ETS1: variants seen among roughly 807,000 people sequenced by gnomAD.
ETS1 encodes protein C-ets-1.
Under a neutral mutation model 58.6 loss-of-function variants are expected in ETS1, and 15 were observed. The observed-to-expected ratio is 0.26, with a 90% CI of 0.17 to 0.39. The LOEUF (loss-of-function observed/expected upper bound fraction) is 0.39, where lower values mean the gene tolerates loss of function less well. Among genes scored for constraint, ETS1 ranks in the 10% least tolerant of loss-of-function variants. The pLI, the probability that ETS1 is intolerant of heterozygous loss-of-function variation, is 1.00. For synonymous variants in ETS1, 214 were observed against 218.2 expected (o/e 0.98, Z 0.17); for missense variants, 417 against 610.5 (o/e 0.68, Z 3.34).
At chr11:128,482,856 T>G (rs906765994) in intron 7 of ETS1, among the ~76,000 whole-genome samples, 1 of 152,130 alleles carries the variant, frequency 6.6e-6, no homozygotes, top group East Asian at 1.9e-4. Flanking sequence ...CTCAGAGCAC[T>G]CAAAACAGAA....
intron 8 of ETS1, among the ~76,000 whole-genome samples, chr11:128,470,938 T>C (rs1862171684): frequency 6.6e-6 from 1 of 152,358 alleles, no homozygotes; most frequent in Middle Eastern, 3.4e-3. Flanking sequence ...AGACAGCAGA[T>C]GCAAACTGCT....
At chr11:128,522,238 G>GC in intron 3 of ETS1, 1 of 1,200,064 alleles carries the variant, frequency 8.3e-7, no homozygotes. Context: ...CCCGCGCCGC[G>GC]CCCGCTCCTC....
chr11:128,554,431 T>C (rs939088994), intron 3 of ETS1, among the ~76,000 whole-genome samples: 10 of 152,134 alleles, frequency 6.6e-5, no homozygotes, highest in Non-Finnish European at 1.5e-4. Flanking sequence ...GAGAAGAAGA[T>C]GATATTACCC....
chr11:128,523,340 T>G (rs1863738284), intron 3 of ETS1, among the ~76,000 whole-genome samples: 1 of 152,224 alleles, frequency 6.6e-6, no homozygotes, highest in South Asian at 2.1e-4. Flanking sequence ...ACTAATACAT[T>G]GGTTGTAATA....
At chr11:128,495,924 AAGT>A (rs1343627710) in intron 3 of ETS1, among the ~76,000 whole-genome samples, 2 of 152,126 alleles carry the variant, frequency 1.3e-5, no homozygotes, top group African/African-American at 4.8e-5. Context: ...ACATACATAA[AAGT>A]AGAGAGAAAC....
chr11:128,528,757 TTTAAGA>T (rs1181296285), intron 3 of ETS1, among the ~76,000 whole-genome samples: 2 of 152,202 alleles, frequency 1.3e-5, no homozygotes, highest in African/African-American at 4.8e-5. Context: ...TTGCCCAAAG[TTTAAGA>T]TTAAAGATCC....
chr11:128,500,852 A>G (rs1488486966), intron 3 of ETS1, among the ~76,000 whole-genome samples: 1 of 152,206 alleles, frequency 6.6e-6, no homozygotes, highest in African/African-American at 2.4e-5. Flanking sequence ...GGGGCAGGGC[A>G]GGACCTGAAG....
At chr11:128,538,873 A>C (rs963642380) in intron 3 of ETS1, among the ~76,000 whole-genome samples, 7 of 152,104 alleles carry the variant, frequency 4.6e-5, no homozygotes, top group Admixed American at 3.3e-4. Flanking sequence ...AATACAAATA[A>C]TTATTTTGCC....
intron 3 of ETS1, among the ~76,000 whole-genome samples, chr11:128,491,630 G>A (rs7126183): frequency 0.035 from 5,391 of 152,312 alleles, 314 homozygotes; most frequent in African/African-American, 0.12. Context: ...CACCTTATCC[G>A]TTCTGTAAAG....
intron 2 of ETS1, among the ~76,000 whole-genome samples, chr11:128,558,144 G>T (rs1274805713): frequency 6.6e-6 from 1 of 152,176 alleles, no homozygotes. Context: ...TCTTCCAACT[G>T]CATTAAAGGT....
chr11:128,502,407 G>C (rs1253788900), intron 3 of ETS1, among the ~76,000 whole-genome samples: 1 of 152,154 alleles, frequency 6.6e-6, no homozygotes, highest in African/African-American at 2.4e-5. Context: ...CAGGAAGGTG[G>C]GAACGCCAAG....
In ETS1 at chr11:128,489,374, C is replaced by T. The variant is rs79963544; in HGVS notation, c.451G>A (p.Ala151Thr). 3.9e-3 allele frequency: 6,343 copies of T among 1,614,178 alleles called. 18 individuals are homozygous for T. The highest frequency in any genetic ancestry group is 5.0e-3 in the Non-Finnish European group (5,872 of 1,180,000). ...KFCMNGAALC[A>T]LGKDCFLELA... The stretch of plus-strand genomic sequence containing the variant: ...TCGAGAAAGCAGTCTTTACCCAGGG[C>T]GCAGAGGGCTGCTCCATTCATACAG... Residue 151 changes from alanine (A) to threonine (T), a missense_variant, in exon 5 of 10, where the codon GCC becomes ACC. This residue lies in a region of ETS1 where 132 missense variants were observed against 212.1 expected (regional missense o/e 0.62). Coordinates refer to ENST00000392668, the MANE Select transcript of ETS1 (RefSeq NM_001143820.2).
At chr11:128,477,919 T>C (rs186360731) in intron 8 of ETS1, among the ~76,000 whole-genome samples, 4 of 152,302 alleles carry the variant, frequency 2.6e-5, no homozygotes, top group Admixed American at 2.6e-4. Context: ...ACAGATTTCC[T>C]GCCACCAAGA....
chr11:128,551,985 A>G (rs1260757423), intron 3 of ETS1, among the ~76,000 whole-genome samples: 2 of 152,150 alleles, frequency 1.3e-5, no homozygotes, highest in Non-Finnish European at 2.9e-5. Context: ...GTAGAACTCC[A>G]TAACCAGTGT....
At chr11:128,476,954 G>T (rs1300374038) in intron 8 of ETS1, among the ~76,000 whole-genome samples, 1 of 152,268 alleles carries the variant, frequency 6.6e-6, no homozygotes, top group Non-Finnish European at 1.5e-5. Flanking sequence ...TGCTATGGGA[G>T]CCCAGTGAAG....
chr11:128,508,902 C>G (rs879269607), intron 3 of ETS1, among the ~76,000 whole-genome samples: 12 of 152,212 alleles, frequency 7.9e-5, no homozygotes, highest in Non-Finnish European at 1.6e-4. Context: ...AAAATATTTT[C>G]TTACGAACCA....
rs1026957358 is a variant in ETS1 at position 128,487,165 on chromosome 11, G to C, written c.536-1019C>G. Among the ~76,000 whole-genome samples, 192 of 152,274 alleles carry C rather than the reference G, an allele frequency of 1.3e-3. 2 individuals are homozygous for C. Among genetic ancestry groups the C allele is most frequent in the Non-Finnish European group, 1.3e-4 (9 of 68,022 alleles). The stretch of plus-strand genomic sequence containing the variant: ...TTGCTGCTGTGTTGCTTTAATTACA[G>C]AACAAAAGCTGTAGCCTCAGCACAA... On this transcript the variant is annotated intron_variant, in intron 5 of 9. Transcript: ENST00000392668.
intron 2 of ETS1, among the ~76,000 whole-genome samples, chr11:128,569,318 CTTTTTTTTTTTTTT>C (rs398018017): frequency 5.1e-5 from 2 of 39,462 alleles, no homozygotes; most frequent in African/African-American, 1.1e-4. Flanking sequence ...AGAGTTTCTT[CTTTTTTTTTTTTTT>C]TTTTTTTTTT....
intron 3 of ETS1, chr11:128,521,938 G>T (rs1239137510): frequency 6.2e-7 from 1 of 1,607,044 alleles, no homozygotes; most frequent in Non-Finnish European, 8.5e-7. Flanking sequence ...GCTCCAGATC[G>T]ACTTTTTCCG....
Sources: gnomAD v4.1 joint callset for allele counts (sites outside exome capture counted in the v4.1 genomes callset) on GRCh38, gnomAD v4.1.1 for gene constraint, gnomAD v4.1.1 regional missense constraint, MANE v1.5 for transcripts, NCBI Gene and HGNC (gene_info 2026-07-23, HGNC 2026-07-21) for gene names.